The following NINJ2 variants were observed in gnomAD, a reference collection of about 807,000 sequenced individuals.
NINJ2 encodes the protein ninjurin 2, also known as ninjurin-2.
NINJ2 carries 12 observed loss-of-function variants against 11.7 expected under a neutral mutation model. The ratio of observed to expected loss-of-function variants is 1.02; its 90% CI spans 0.66 to 1.66. NINJ2 has a LOEUF of 1.66. Ranked by LOEUF, NINJ2 falls within the 40% of genes most tolerant of loss-of-function variation. The pLI, the probability that NINJ2 is intolerant of heterozygous loss-of-function variation, is 0.00. For missense variants in NINJ2, 187 were observed against 181.8 expected (o/e 1.03, Z -0.16); for synonymous variants, 93 against 76.8 (o/e 1.21, Z -1.10).
At chr12:635,127 C>T (rs891055950) in intron 1 of NINJ2, among the ~76,000 whole-genome samples, 1 of 151,178 alleles carries the variant, frequency 6.6e-6, no homozygotes, top group Non-Finnish European at 1.5e-5. Flanking sequence ...GATCTTGGCT[C>T]ACTGCAACCT....
At chr12:620,891 G>C (rs976013882) in intron 1 of NINJ2, among the ~76,000 whole-genome samples, 9 of 152,050 alleles carry the variant, frequency 5.9e-5, no homozygotes, top group Admixed American at 5.9e-4. Flanking sequence ...CGGCCTCCCA[G>C]AGTGCTGGGA....
At chr12:613,384 G>A (rs1948056832) in intron 1 of NINJ2, among the ~76,000 whole-genome samples, 1 of 152,156 alleles carries the variant, frequency 6.6e-6, no homozygotes, top group South Asian at 2.1e-4. Context: ...GAGGCAGGTG[G>A]ATCACCTGAG....
chr12:636,851 G>C (rs1948358310), intron 1 of NINJ2, among the ~76,000 whole-genome samples: 1 of 152,150 alleles, frequency 6.6e-6, no homozygotes, highest in Admixed American at 6.6e-5. Context: ...TCCTCAAAAA[G>C]TTAGAGAATT....
intron 1 of NINJ2, among the ~76,000 whole-genome samples, chr12:573,023 A>ATT (rs1301909243): frequency 1.5e-4 from 16 of 106,318 alleles, no homozygotes; most frequent in African/African-American, 5.5e-4. Flanking sequence ...CACCCAGCTA[A>ATT]TTTTTTTTTT....
At chr12:647,388 A>T (rs1431336868) in intron 1 of NINJ2, among the ~76,000 whole-genome samples, 1 of 152,202 alleles carries the variant, frequency 6.6e-6, no homozygotes, top group East Asian at 1.9e-4. Flanking sequence ...TAAATCCCAC[A>T]AGTATGTGGC....
In NINJ2 at chr12:581,921, G is replaced by A. The variant is rs941251034; in HGVS notation, c.34-15743C>T. On this transcript the variant is annotated intron_variant, in intron 1 of 3. Transcript: ENST00000305108. The surrounding 1 kb of genome is among the most constrained non-coding windows in gnomAD (Gnocchi z 4.9). ...GAGAACCAGATTCTCCGCGGACGCT[G>A]AACACACAAAAAGCCCAGCCCTGGA... is the stretch of plus-strand genomic sequence containing the variant. 6.6e-6 allele frequency among the ~76,000 whole-genome samples: 1 copy of A among 152,134 alleles called. No homozygotes were observed. Among genetic ancestry groups the A allele is most frequent in the East Asian group, 1.9e-4 (1 of 5,192 alleles).
chr12:628,913 G>A lies in NINJ2; in HGVS notation c.33+34415C>T, dbSNP rs1948238460. On this transcript the variant is annotated intron_variant, in intron 1 of 3. Coordinates refer to ENST00000305108, the MANE Select transcript of NINJ2 (RefSeq NM_016533.6). The surrounding 1 kb of genome is among the most constrained non-coding windows in gnomAD (Gnocchi z 4.4). ...TAAAAGAAGGAGGAGTCCTCAACTG[G>A]GGGAGGGGGAAAATCTCCATCTCCT... 6.6e-6 allele frequency among the ~76,000 whole-genome samples: 1 copy of A among 152,130 alleles called. No homozygotes were observed. Among genetic ancestry groups the A allele is most frequent in the South Asian group, 2.1e-4 (1 of 4,818 alleles).
At chr12:616,131 G>A (rs1948088476) in intron 1 of NINJ2, among the ~76,000 whole-genome samples, 1 of 152,238 alleles carries the variant, frequency 6.6e-6, no homozygotes, top group African/African-American at 2.4e-5. Flanking sequence ...AACCAGGACT[G>A]CATTGCCATT....
intron 1 of NINJ2, chr12:644,277 C>T (rs1937641603): frequency 6.6e-6 from 1 of 152,438 alleles, no homozygotes; most frequent in Admixed American, 6.5e-5. Flanking sequence ...TGGTAAAATG[C>T]AGTTTCTCAT....
At chr12:635,948 G>A (rs1364228975) in intron 1 of NINJ2, among the ~76,000 whole-genome samples, 2 of 152,116 alleles carry the variant, frequency 1.3e-5, no homozygotes, top group Non-Finnish European at 2.9e-5. Context: ...ATGGTGGCAG[G>A]TGCCTGTAAT....
intron 1 of NINJ2, among the ~76,000 whole-genome samples, chr12:600,653 GGTGTGTGTGTGTGTGTGTGT>G (rs58255968): frequency 1.1e-4 from 15 of 142,034 alleles, no homozygotes; most frequent in Non-Finnish European, 1.4e-4. Context: ...ATTTTTTTGG[GGTGTGTGTGTGTGTGTGTGT>G]GTGTGTGTGT....
chr12:612,046 C>G (rs919014782), intron 1 of NINJ2, among the ~76,000 whole-genome samples: 5 of 152,162 alleles, frequency 3.3e-5, no homozygotes, highest in Non-Finnish European at 7.4e-5. Flanking sequence ...TCTTCTCTAT[C>G]CCCTCCCTCC....
chr12:646,191 G>A (rs1234759955), intron 1 of NINJ2, among the ~76,000 whole-genome samples: 1 of 152,150 alleles, frequency 6.6e-6, no homozygotes, highest in East Asian at 1.9e-4. Flanking sequence ...TGTCTACCCT[G>A]TGCTCCCCTC....
intron 1 of NINJ2, among the ~76,000 whole-genome samples, chr12:577,391 A>G (rs1235304592): frequency 1.5e-5 from 2 of 136,784 alleles, no homozygotes; most frequent in African/African-American, 5.2e-5. Context: ...TAGCTCTATC[A>G]TAAGTTGAGA....
intron 1 of NINJ2, among the ~76,000 whole-genome samples, chr12:603,931 G>A (rs934407715): frequency 1.3e-5 from 2 of 152,192 alleles, no homozygotes; most frequent in African/African-American, 4.8e-5. Flanking sequence ...AAAGTGCTGG[G>A]ACTACAGGCA....
intron 1 of NINJ2, among the ~76,000 whole-genome samples, chr12:621,074 C>T (rs975166705): frequency 9.2e-5 from 14 of 152,164 alleles, no homozygotes; most frequent in Non-Finnish European, 2.9e-5. Context: ...AGCTTCACGT[C>T]CTTCTTGAAG....
intron 1 of NINJ2, among the ~76,000 whole-genome samples, chr12:568,244 C>T (rs1400218577): frequency 1.3e-5 from 2 of 152,054 alleles, no homozygotes; most frequent in African/African-American, 4.8e-5. Context: ...TTTTCTTATC[C>T]TAAAATATGG....
intron 1 of NINJ2, among the ~76,000 whole-genome samples, chr12:576,413 G>A (rs1365189957): frequency 3.9e-5 from 6 of 152,254 alleles, no homozygotes; most frequent in Non-Finnish European, 8.8e-5. Context: ...AATTACAAAC[G>A]GAAGCAGAGT....
chr12:578,987 C>T (rs1442253864), intron 1 of NINJ2, among the ~76,000 whole-genome samples: 2 of 152,106 alleles, frequency 1.3e-5, no homozygotes, highest in Non-Finnish European at 2.9e-5. Context: ...TGTGATGGAG[C>T]CTAAATCCAG....
Sources: allele counts gnomAD v4.1 joint callset (sites outside exome capture counted in the v4.1 genomes callset), GRCh38; gene constraint gnomAD v4.1.1; non-coding constraint Gnocchi (gnomAD v3.1); transcripts MANE v1.5; gene names NCBI Gene and HGNC (gene_info 2026-07-23, HGNC 2026-07-21).